BRIP1: variants seen among roughly 807,000 people sequenced by gnomAD.
The protein encoded by BRIP1 is Fanconi anemia group J protein.
Under a neutral mutation model 119.7 loss-of-function variants are expected in BRIP1, and 88 were observed. The ratio of observed to expected loss-of-function variants is 0.74; its 90% CI spans 0.62 to 0.88. The LOEUF is 0.88. BRIP1 is among the 40% of genes least tolerant of loss of function. The probability of loss-of-function intolerance (pLI) is 0.00; values close to 1 mark genes in which losing one functional copy is unlikely to be tolerated. For missense variants in BRIP1, 1,259 were observed against 1,455.4 expected, an observed-to-expected ratio of 0.87 and a Z score of 2.20; for synonymous variants, 443 against 496.5, an observed-to-expected ratio of 0.89 and a Z score of 1.43.
chr17:61,853,089 T>C lies in BRIP1; in HGVS notation c.380-3833A>G, dbSNP rs2078845285. On this transcript the variant is annotated intron_variant, in intron 4 of 19. Transcript: ENST00000259008. The surrounding 1 kb of genome is among the most constrained non-coding windows in gnomAD (Gnocchi z 4.3). The stretch of plus-strand genomic sequence containing the variant: ...AAAACAACCCAATGCCTAACAACTG[T>C]AGAACAGATTAATAAACTGTGGTAT... 6.6e-6 allele frequency among the ~76,000 whole-genome samples: 1 copy of C among 152,082 alleles called. No homozygotes were observed. Among genetic ancestry groups the C allele is most frequent in the South Asian group, 2.1e-4 (1 of 4,820 alleles).
chr17:61,784,857 G>C (rs1168193133), intron 10 of BRIP1, among the ~76,000 whole-genome samples: 1 of 152,102 alleles, frequency 6.6e-6, no homozygotes, highest in Non-Finnish European at 1.5e-5. Flanking sequence ...TTAGATGCTG[G>C]AGCCATGCTT....
In BRIP1 at chr17:61,846,394, T is replaced by C. The variant is rs2078732863; in HGVS notation, c.627+707A>G. On this transcript the variant is annotated intron_variant, in intron 6 of 19. Transcript: ENST00000259008. This position sits in a 1 kb window ranked among gnomAD's most constrained non-coding sequence, Gnocchi z 4.3. ...AAAAGGCAATAATGTATTTTTTCCTTTTTTTTTTTGAGACGGGGTCTCACT... is the reference window on the plus strand; with the variant it reads ...AAAAGGCAATAATGTATTTTTTCCTCTTTTTTTTTGAGACGGGGTCTCACT... Among the ~76,000 whole-genome samples the C allele has an allele frequency of 6.8e-6, 1 of 146,946 alleles. No homozygotes were observed. The highest frequency in any genetic ancestry group is 2.5e-5 in the African/African-American group (1 of 40,644).
chr17:61,853,909 C>G lies in BRIP1; in HGVS notation c.379+3149G>C, dbSNP rs1348608829. On this transcript the variant is annotated intron_variant, in intron 4 of 19. Coordinates refer to ENST00000259008, the MANE Select transcript of BRIP1 (RefSeq NM_032043.3). This position sits in a 1 kb window ranked among gnomAD's most constrained non-coding sequence, Gnocchi z 4.3. ...ATCATCAAACAAGATACATGGATAGCTAATAAGAACATGAAAATATGGGAA... is the reference window on the plus strand; with the variant it reads ...ATCATCAAACAAGATACATGGATAGGTAATAAGAACATGAAAATATGGGAA... 2.0e-5 allele frequency among the ~76,000 whole-genome samples: 3 copies of G among 152,042 alleles called. No homozygotes were observed. Among genetic ancestry groups the G allele is most frequent in the Non-Finnish European group, 4.4e-5 (3 of 67,986 alleles).
intron 14 of BRIP1, among the ~76,000 whole-genome samples, chr17:61,763,143 T>C (rs1319937891): frequency 6.6e-6 from 1 of 152,180 alleles, no homozygotes; most frequent in Non-Finnish European, 1.5e-5. Flanking sequence ...AAGTACCTCA[T>C]ATAAGTGTAA....
rs527536038 is a variant in BRIP1 at position 61,728,121 on chromosome 17, G to A, written c.2380-12058C>T. On this transcript the variant is annotated intron_variant, in intron 16 of 19. Coordinates refer to ENST00000259008, the MANE Select transcript of BRIP1 (RefSeq NM_032043.3). ...TGGGATTACAGGCGTGAGCCACCGC[G>A]CCTGGCCACAAAGGTTTGATTTTTA... Among the ~76,000 whole-genome samples the A allele has an allele frequency of 6.6e-5, 10 of 151,964 alleles. No individual in the cohort carries two copies. The East Asian group carries it at 1.4e-3, about 21-fold the overall frequency.
rs112846303 is a variant in BRIP1 at position 61,711,441 on chromosome 17, A to G, written c.2492+4510T>C. 9.7e-4 allele frequency among the ~76,000 whole-genome samples: 148 copies of G among 152,332 alleles called. 4 individuals are homozygous for G. Among genetic ancestry groups the G allele is most frequent in the South Asian group, 1.9e-3 (9 of 4,828 alleles). ...CAAAGTAAGCAGATGTGATGCTTCAATAACCTTCAGTGCAACTTGATTCCA... is the reference window on the plus strand; with the variant it reads ...CAAAGTAAGCAGATGTGATGCTTCAGTAACCTTCAGTGCAACTTGATTCCA... On this transcript the variant is annotated intron_variant, in intron 17 of 19. Transcript: ENST00000259008.
At chr17:61,692,314 T>C (rs545342536) in intron 18 of BRIP1, among the ~76,000 whole-genome samples, 1 of 152,278 alleles carries the variant, frequency 6.6e-6, no homozygotes, top group Admixed American at 6.5e-5. Flanking sequence ...AGGAAGACCA[T>C]GTTAAACTAA....
chr17:61,718,793 C>T (rs7342819), intron 16 of BRIP1, among the ~76,000 whole-genome samples: 150,912 of 152,312 alleles, frequency 0.99, 74,775 homozygotes, highest in East Asian at 1. Flanking sequence ...CCATGGGTGA[C>T]TGGTTTCAGA....
intron 6 of BRIP1, among the ~76,000 whole-genome samples, chr17:61,821,194 G>A (rs1004849045): frequency 3.3e-5 from 5 of 152,152 alleles, no homozygotes; most frequent in African/African-American, 1.2e-4. Flanking sequence ...TGCAAAGGAA[G>A]ACATGGCCCA....
In BRIP1 at chr17:61,770,163, T is replaced by C. The variant is rs184200635; in HGVS notation, c.2097+6238A>G. Among the ~76,000 whole-genome samples the C allele has an allele frequency of 3.1e-3, 471 of 152,334 alleles. 3 individuals are homozygous for C. Among genetic ancestry groups the C allele is most frequent in the African/African-American group, 0.011 (455 of 41,572 alleles). On this transcript the variant is annotated intron_variant, in intron 14 of 19. Coordinates refer to ENST00000259008, the MANE Select transcript of BRIP1 (RefSeq NM_032043.3). This position sits in a 1 kb window ranked among gnomAD's most constrained non-coding sequence, Gnocchi z 4.7. ...CTGCCATCTAATCTTATGATATGAA[T>C]GAAGAGCTCAGAAACACTTGTGAAG...
In BRIP1 at chr17:61,823,588, T is replaced by C. The variant is rs2078358187; in HGVS notation, c.628-14831A>G. On this transcript the variant is annotated intron_variant, in intron 6 of 19. Transcript: ENST00000259008. The surrounding 1 kb of genome is among the most constrained non-coding windows in gnomAD (Gnocchi z 4.8). ...AAAAATAGCTTAAAAAATGAACATATAGTCAGTGATGTATAATATCAAGCT... is the reference window on the plus strand; with the variant it reads ...AAAAATAGCTTAAAAAATGAACATACAGTCAGTGATGTATAATATCAAGCT... Among the ~76,000 whole-genome samples, 1 of 152,060 alleles carries C rather than the reference T, an allele frequency of 6.6e-6. No homozygotes were observed. The highest frequency in any genetic ancestry group is 1.5e-5 in the Non-Finnish European group (1 of 68,018).
intron 17 of BRIP1, among the ~76,000 whole-genome samples, chr17:61,698,767 T>G (rs1484827018): frequency 6.6e-6 from 1 of 152,038 alleles, no homozygotes; most frequent in Non-Finnish European, 1.5e-5. Context: ...CAGGCTGGAG[T>G]GAAGTAGTGA....
intron 6 of BRIP1, among the ~76,000 whole-genome samples, chr17:61,813,020 C>A (rs909263109): frequency 6.6e-6 from 1 of 152,002 alleles, no homozygotes; most frequent in Non-Finnish European, 1.5e-5. Context: ...ATGAGCATAG[C>A]AATTAAATAT....
rs1274561602 is a variant in BRIP1 at position 61,841,563 on chromosome 17, A to G, written c.627+5538T>C. Among the ~76,000 whole-genome samples, 1 of 152,220 alleles carries G rather than the reference A, an allele frequency of 6.6e-6. No individual in the cohort carries two copies. The highest frequency in any genetic ancestry group is 1.5e-5 in the Non-Finnish European group (1 of 68,040). ...CAAAAAAAAATAACAAATGTTAGTGACGATGTGGAGAAGAAACTCATATAC... is the reference window on the plus strand; with the variant it reads ...CAAAAAAAAATAACAAATGTTAGTGGCGATGTGGAGAAGAAACTCATATAC... On this transcript the variant is annotated intron_variant, in intron 6 of 19. Transcript: ENST00000259008. The surrounding 1 kb of genome is among the most constrained non-coding windows in gnomAD (Gnocchi z 4.1).
intron 6 of BRIP1, among the ~76,000 whole-genome samples, chr17:61,821,181 C>T (rs1406066893): frequency 6.6e-6 from 1 of 152,114 alleles, no homozygotes; most frequent in Non-Finnish European, 1.5e-5. Flanking sequence ...CAGTTACATC[C>T]TATGCAAAGG....
rs973380552 is a variant in BRIP1, at chr17:61,828,965, A to G, written c.627+18136T>C. Reference sequence around the variant, plus strand: ...AAAGTATGAAGCAACTCACAAAAATAAAACTAAGAGGTATACTTAAGAAGA... The same window carrying G: ...AAAGTATGAAGCAACTCACAAAAATGAAACTAAGAGGTATACTTAAGAAGA... On this transcript the variant is annotated intron_variant, in intron 6 of 19. Coordinates refer to ENST00000259008, the MANE Select transcript of BRIP1 (RefSeq NM_032043.3). This position sits in a 1 kb window ranked among gnomAD's most constrained non-coding sequence, Gnocchi z 4.1. Among the ~76,000 whole-genome samples, 1 of 152,206 alleles carries G rather than the reference A, an allele frequency of 6.6e-6. No homozygotes were observed. The highest frequency in any genetic ancestry group is 6.5e-5 in the Admixed American group (1 of 15,290).
At position 61,852,359 on chromosome 17, in the gene BRIP1, C is replaced by T. The variant is rs937762266; in HGVS notation, c.380-3103G>A. Among the ~76,000 whole-genome samples, 2 of 151,764 alleles carry T rather than the reference C, an allele frequency of 1.3e-5. No individual in the cohort carries two copies. Among genetic ancestry groups the T allele is most frequent in the African/African-American group, 4.8e-5 (2 of 41,308 alleles). ...ATGTTTTTTTAAAATCTTCAAGAAA[C>T]CTAAGAAATACCCAATAGAAAAATG... On this transcript the variant is annotated intron_variant, in intron 4 of 19. Coordinates refer to ENST00000259008, the MANE Select transcript of BRIP1 (RefSeq NM_032043.3). The surrounding 1 kb of genome is among the most constrained non-coding windows in gnomAD (Gnocchi z 4.9).
At chr17:61,773,868 A>G (rs1407486479) in intron 14 of BRIP1, among the ~76,000 whole-genome samples, 13 of 152,196 alleles carry the variant, frequency 8.5e-5, no homozygotes, top group Admixed American at 8.5e-4. Flanking sequence ...GAGAAATGCA[A>G]ATCAAAACCA....
At position 61,857,073 on chromosome 17, in the gene BRIP1, A is replaced by G; in HGVS notation, c.364T>C (p.Ser122Pro). 1 of 1,614,110 alleles carries G rather than the reference A, an allele frequency of 6.2e-7. No homozygotes were observed. The highest frequency in any genetic ancestry group is 8.5e-7 in the Non-Finnish European group (1 of 1,179,968). The stretch of plus-strand genomic sequence containing the variant: ...TATAAATTACCTTGACAAGTTGATG[A>G]AGTGCCATTTCTTTCAGAAGGTGGT... ...STPPSERNGT[S>P]STCQDSPEKT... is the part of the protein sequence containing the mutation. Residue 122 changes from serine (S) to proline (P), a missense_variant, in exon 4 of 20, where the codon TCA becomes CCA. Ser to Pro is a moderately conservative substitution (Grantham distance 74). This residue lies in a region of BRIP1 where 501 missense variants were observed against 544.0 expected (regional missense o/e 0.92). Coordinates refer to ENST00000259008, the MANE Select transcript of BRIP1 (RefSeq NM_032043.3). This position sits in a 1 kb window ranked among gnomAD's most constrained non-coding sequence, Gnocchi z 5.1.
Sources: gnomAD v4.1 joint callset for allele counts (sites outside exome capture counted in the v4.1 genomes callset) on GRCh38, gnomAD v4.1.1 for gene constraint, gnomAD v4.1.1 regional missense constraint, Gnocchi (gnomAD v3.1) non-coding constraint, MANE v1.5 for transcripts, NCBI Gene and HGNC (gene_info 2026-07-23, HGNC 2026-07-21) for gene names.